Variants in CLCN5 observed in about 807,000 individuals in gnomAD.
CLCN5 encodes the protein Cl-/H+ antiporter 5.
Under a neutral mutation model 54.0 loss-of-function variants are expected in CLCN5, and 17 were observed. That is an observed-to-expected ratio of 0.31 (90% confidence interval 0.22 to 0.47). The LOEUF (loss-of-function observed/expected upper bound fraction) is 0.47. Among genes scored for constraint, CLCN5 ranks in the 20% least tolerant of loss-of-function variants. CLCN5 has a pLI of 1.00. For missense variants in CLCN5, 448 were observed against 646.7 expected, an observed-to-expected ratio of 0.69 and a Z score of 3.33; for synonymous variants, 222 against 233.0, an observed-to-expected ratio of 0.95 and a Z score of 0.43.
intron 3 of CLCN5, among the ~76,000 whole-genome samples, chrX:49,988,515 G>A (rs967680881): frequency 9.0e-6 from 1 of 110,828 alleles, no homozygotes; most frequent in Admixed American, 9.7e-5. Flanking sequence ...TCATTTATCC[G>A]TCCTTACCTC....
intron 4 of CLCN5, among the ~76,000 whole-genome samples, chrX:50,058,510 A>C (rs782163454): frequency 9.0e-6 from 1 of 111,663 alleles, no homozygotes; most frequent in Non-Finnish European, 1.9e-5. Flanking sequence ...AGTGATTTCC[A>C]TAATGAGAAC....
At chrX:50,073,149 A>C (rs1933281432) in intron 6 of CLCN5, among the ~76,000 whole-genome samples, 1 of 111,404 alleles carries the variant, frequency 9.0e-6, no homozygotes, top group East Asian at 2.8e-4. Flanking sequence ...GTCTCACTAA[A>C]AATGGTATAC....
chrX:50,037,917 C>T (rs782243493), intron 3 of CLCN5, among the ~76,000 whole-genome samples: 13 of 111,137 alleles, frequency 1.2e-4, no homozygotes, highest in Non-Finnish European at 1.9e-4. Context: ...AGCAGCAACC[C>T]GAATAACAAT....
At chrX:49,968,900 A>T (rs1928049130) in intron 3 of CLCN5, among the ~76,000 whole-genome samples, 1 of 82,466 alleles carries the variant, frequency 1.2e-5, no homozygotes, top group African/African-American at 1.3e-4. Flanking sequence ...ATGGGAGAAA[A>T]TTTTTGCAAC....
intron 3 of CLCN5, among the ~76,000 whole-genome samples, chrX:50,035,796 C>T (rs181734553): frequency 3.6e-5 from 4 of 112,372 alleles, no homozygotes; most frequent in East Asian, 5.6e-4. Flanking sequence ...TAACTCTCTA[C>T]GCATGGGGAA....
chrX:50,014,936 C>T (rs1305557192), intron 3 of CLCN5, among the ~76,000 whole-genome samples: 3 of 111,448 alleles, frequency 2.7e-5, no homozygotes, highest in Non-Finnish European at 5.7e-5. Context: ...GGGTGGTGGG[C>T]GGGAACCAGA....
chrX:50,068,741 G>C (rs1400303174), intron 4 of CLCN5, among the ~76,000 whole-genome samples: 1 of 110,876 alleles, frequency 9.0e-6, no homozygotes, highest in East Asian at 2.8e-4. Flanking sequence ...CCTCTGCAGA[G>C]GGATTCATTA....
chrX:50,033,117 A>T (rs1557186095), intron 3 of CLCN5, among the ~76,000 whole-genome samples: 1 of 110,943 alleles, frequency 9.0e-6, no homozygotes, highest in Non-Finnish European at 1.9e-5. Flanking sequence ...TGTTTTGGGG[A>T]TGCCCTCTCT....
chrX:49,990,258 G>A (rs911731184), intron 3 of CLCN5, among the ~76,000 whole-genome samples: 1 of 109,267 alleles, frequency 9.2e-6, no homozygotes, highest in Non-Finnish European at 1.9e-5. Context: ...TCTGCCTCCC[G>A]GGTCCAAGCA....
Position 50,042,472 on chromosome X carries a change from T to C in CLCN5, c.163+10T>C, listed in dbSNP as rs1932259298. The stretch of plus-strand genomic sequence containing the variant: ...GACCGAGAAGTAGGAGGTATCATTA[T>C]TGGTGATGATAATTTATCTTAATTT... On this transcript the variant is annotated intron_variant, in intron 4 of 14. Transcript: ENST00000376091. 2.0e-6 allele frequency: 2 copies of C among 1,000,263 alleles called. No homozygotes were observed. Among genetic ancestry groups the C allele is most frequent in the Middle Eastern group, 2.8e-4 (1 of 3,630 alleles). The allele number at this position is 1,000,263 out of a possible 1,213,427, so 82.4% of individuals were successfully genotyped here. A position where few individuals can be genotyped will look rare whatever the true frequency, so the allele number is the denominator to read the frequency against.
intron 3 of CLCN5, among the ~76,000 whole-genome samples, chrX:49,982,370 A>G (rs1928778724): frequency 9.0e-6 from 1 of 110,950 alleles, no homozygotes; most frequent in Non-Finnish European, 1.9e-5. Context: ...GCTGAGGGGG[A>G]AAAAAGCAAC....
chrX:50,066,340 A>C (rs1298288576), intron 4 of CLCN5, among the ~76,000 whole-genome samples: 1 of 111,494 alleles, frequency 9.0e-6, no homozygotes, highest in Non-Finnish European at 1.9e-5. Context: ...TAGTTCATCA[A>C]GTGAGTGAGA....
chrX:49,959,571 C>G, intron 3 of CLCN5, among the ~76,000 whole-genome samples: 1 of 112,278 alleles, frequency 8.9e-6, no homozygotes, highest in Middle Eastern at 4.6e-3. Flanking sequence ...TTAAATGGAG[C>G]CTGCTCATTT....
intron 3 of CLCN5, among the ~76,000 whole-genome samples, chrX:50,019,631 C>G (rs1218819646): frequency 2.2e-5 from 1 of 46,051 alleles, no homozygotes; most frequent in Non-Finnish European, 3.9e-5. Flanking sequence ...TCCCCCCTCC[C>G]CCGACCCCAC....
At position 50,075,854 on chromosome X, in the gene CLCN5, A is replaced by G; in HGVS notation, c.475A>G (p.Ile159Val). The change falls in exon 7 of 15, where the codon ATA becomes GTA. Residue 159 changes from isoleucine to valine, a missense_variant. Transcript: ENST00000376091. ...AHWMTDLKEGICTGGFWFNHE... is the reference protein window; with the variant it reads ...AHWMTDLKEGVCTGGFWFNHE... ...TTGGATGACAGACTTAAAAGAAGGTATATGCACAGGGGGATTCTGGTTTAA... is the reference window on the plus strand; with the variant it reads ...TTGGATGACAGACTTAAAAGAAGGTGTATGCACAGGGGGATTCTGGTTTAA... 2 of 1,210,356 alleles carry G rather than the reference A, an allele frequency of 1.7e-6. No individual in the cohort carries two copies. Among genetic ancestry groups the G allele is most frequent in the Non-Finnish European group, 2.2e-6 (2 of 894,241 alleles).
intron 3 of CLCN5, among the ~76,000 whole-genome samples, chrX:49,989,074 CTTT>C (rs67216427): frequency 3.1e-5 from 3 of 97,933 alleles, no homozygotes; most frequent in Non-Finnish European, 4.1e-5. Context: ...TATCATACCT[CTTT>C]TTTTTTTTTT....
At chrX:50,089,728 A>G (rs1357260274) in intron 12 of CLCN5, among the ~76,000 whole-genome samples, 1 of 111,341 alleles carries the variant, frequency 9.0e-6, no homozygotes, top group Non-Finnish European at 1.9e-5. Flanking sequence ...TCGACAAAAA[A>G]TAAAAAGTTA....
Position 50,025,673 on chromosome X carries a change from ATCTC to A in CLCN5, c.17-16636_17-16633del, listed in dbSNP as rs1389884159. Among the ~76,000 whole-genome samples the A allele has an allele frequency of 3.7e-5, 4 of 108,627 alleles. No homozygotes were observed. The Admixed American group carries it at 3.9e-4, about 11-fold the overall frequency. 94.3% of individuals were successfully genotyped at this position (108,627 alleles called of 115,157 possible). On this transcript the variant is annotated intron_variant, in intron 3 of 14. Coordinates refer to ENST00000376091, the MANE Select transcript of CLCN5 (RefSeq NM_001127898.4). ...TCTTACTTACTCTTTCCATCTATTT[ATCTC>A]TCTCTCATTTGCACTCTGTTTCTCT...
At chrX:49,952,910 C>T (rs1378791063) in intron 3 of CLCN5, among the ~76,000 whole-genome samples, 1 of 95,766 alleles carries the variant, frequency 1.0e-5, no homozygotes, top group African/African-American at 4.0e-5. Flanking sequence ...TTTTTTGAGA[C>T]GGAGTTTCAC....
Sources: gnomAD v4.1 joint callset for allele counts (sites outside exome capture counted in the v4.1 genomes callset) on GRCh38, gnomAD v4.1.1 for gene constraint, MANE v1.5 for transcripts, NCBI Gene and HGNC (gene_info 2026-07-23, HGNC 2026-07-21) for gene names.